IQCJ: variants seen among roughly 807,000 people sequenced by gnomAD.
IQCJ encodes the protein IQ domain-containing protein J.
In IQCJ, 9 loss-of-function variants were observed where a neutral mutation model predicts 11.0. The observed-to-expected ratio is 0.82, with a 90% confidence interval of 0.49 to 1.43. The LOEUF is 1.43. IQCJ is among the 40% of genes most tolerant of loss of function. The pLI is 0.00. For missense variants in IQCJ, 146 were observed against 133.2 expected (o/e 1.10, Z -0.47); for synonymous variants, 55 against 51.3 (o/e 1.07, Z -0.31).
chr3:159,081,019 TAAAG>T lies in IQCJ; in HGVS notation c.9+11580_9+11583del, dbSNP rs538926189. On this transcript the variant is annotated intron_variant, in intron 1 of 3. Transcript: ENST00000397832. ...AAAATCTGCTAAACTGGCCAGACAA[TAAAG>T]AGTTTATTGTCTTAGGTAACAAGAT... 1.2e-3 allele frequency among the ~76,000 whole-genome samples: 183 copies of T among 152,194 alleles called. 1 individual carries two copies. The highest frequency in any genetic ancestry group is 4.2e-3 in the African/African-American group (174 of 41,550).
chr3:159,146,681 A>C (rs991345664), intron 1 of IQCJ, among the ~76,000 whole-genome samples: 1 of 152,238 alleles, frequency 6.6e-6, no homozygotes, highest in Non-Finnish European at 1.5e-5. Flanking sequence ...GAAACATTCC[A>C]TAAGACCACA....
intron 1 of IQCJ, among the ~76,000 whole-genome samples, chr3:159,101,663 C>A (rs1163969376): frequency 2.0e-5 from 3 of 152,158 alleles, no homozygotes; most frequent in African/African-American, 7.2e-5. Flanking sequence ...GACAATTCTC[C>A]TTTTTGGACA....
rs143375336 is a variant in IQCJ at position 159,160,932 on chromosome 3, G to A, written c.10-84911G>A. 3.3e-5 allele frequency among the ~76,000 whole-genome samples: 5 copies of A among 152,076 alleles called. No individual in the cohort carries two copies. In the East Asian group the frequency reaches 9.6e-4, roughly 29 times the overall value. On this transcript the variant is annotated intron_variant, in intron 1 of 3. Coordinates refer to ENST00000397832, the MANE Select transcript of IQCJ (RefSeq NM_001042706.3). Reference sequence around the variant, plus strand: ...ACACTTTCTTATTCCAGTCTATCATGGTTGGACATTTGGGTTGGTTCCAAG... The same window carrying A: ...ACACTTTCTTATTCCAGTCTATCATAGTTGGACATTTGGGTTGGTTCCAAG...
intron 1 of IQCJ, among the ~76,000 whole-genome samples, chr3:159,245,463 T>C (rs1488221144): frequency 6.9e-6 from 1 of 144,236 alleles, no homozygotes; most frequent in Admixed American, 6.9e-5. Context: ...GAATTCTTTT[T>C]TTTTTTTTTT....
At chr3:159,151,233 G>T (rs989104962) in intron 1 of IQCJ, among the ~76,000 whole-genome samples, 1 of 152,208 alleles carries the variant, frequency 6.6e-6, no homozygotes, top group Admixed American at 6.5e-5. Context: ...ATCTTAGCCT[G>T]GTGGCGTGGG....
At chr3:159,111,253 C>T (rs1040151616) in intron 1 of IQCJ, among the ~76,000 whole-genome samples, 3 of 152,112 alleles carry the variant, frequency 2.0e-5, no homozygotes, top group African/African-American at 7.2e-5. Flanking sequence ...AAAGAAGTTC[C>T]AGTATCGAAA....
Position 159,075,906 on chromosome 3 carries a change from T to C in IQCJ, c.9+6465T>C, listed in dbSNP as rs1317705320. Among the ~76,000 whole-genome samples the C allele has an allele frequency of 3.9e-5, 6 of 152,138 alleles. No individual in the cohort carries two copies. The South Asian group carries it at 1.0e-3, about 26-fold the overall frequency. The stretch of plus-strand genomic sequence containing the variant: ...GACCCAGGGCCTGAGCTCTTAGACA[T>C]TGAGCTGGGCATGGAGGGTGTGAGC... On this transcript the variant is annotated intron_variant, in intron 1 of 3. Transcript: ENST00000397832.
intron 1 of IQCJ, among the ~76,000 whole-genome samples, chr3:159,193,760 C>T (rs903634284): frequency 4.6e-5 from 7 of 152,204 alleles, no homozygotes; most frequent in African/African-American, 1.7e-4. Context: ...GGGATAGTGC[C>T]ATATGGAGGA....
chr3:159,154,854 C>T (rs146704531), intron 1 of IQCJ, among the ~76,000 whole-genome samples: 6 of 152,312 alleles, frequency 3.9e-5, no homozygotes, highest in Non-Finnish European at 8.8e-5. Context: ...ACATCGACTA[C>T]TTTTCTGATT....
At chr3:159,242,618 C>T (rs1726996244) in intron 1 of IQCJ, among the ~76,000 whole-genome samples, 1 of 151,072 alleles carries the variant, frequency 6.6e-6, no homozygotes. Context: ...ATATGGAAGC[C>T]CCATTTAGTA....
chr3:159,214,899 A>G (rs1206370157), intron 1 of IQCJ, among the ~76,000 whole-genome samples: 2 of 152,228 alleles, frequency 1.3e-5, no homozygotes, highest in African/African-American at 2.4e-5. Flanking sequence ...TTGGAGCCAC[A>G]GGGCATATTG....
intron 1 of IQCJ, among the ~76,000 whole-genome samples, chr3:159,179,592 T>C (rs1170854303): frequency 6.6e-6 from 1 of 151,846 alleles, no homozygotes; most frequent in Non-Finnish European, 1.5e-5. Flanking sequence ...TCTTCTTGGA[T>C]TAAAATATCT....
chr3:159,257,055 C>G (rs1311358427), intron 3 of IQCJ, among the ~76,000 whole-genome samples: 2 of 152,162 alleles, frequency 1.3e-5, no homozygotes, highest in African/African-American at 4.8e-5. Flanking sequence ...CTCTATGACT[C>G]TAAGCATACT....
chr3:159,091,647 TAC>T (rs111512204), intron 1 of IQCJ, among the ~76,000 whole-genome samples: 19,947 of 133,832 alleles, frequency 0.15, 2,624 homozygotes, highest in East Asian at 0.36. Context: ...AAGGGGTATT[TAC>T]ACACACACAC....
Position 159,219,319 on chromosome 3 carries a change from C to A in IQCJ, c.10-26524C>A, listed in dbSNP as rs1021659297. On this transcript the variant is annotated intron_variant, in intron 1 of 3. Coordinates refer to ENST00000397832, the MANE Select transcript of IQCJ (RefSeq NM_001042706.3). ...TTCAAACTTAGAATTTAAAAAAAAA[C>A]TGCTCTTTATAAGAATTATGGCATA... 1.2e-4 allele frequency among the ~76,000 whole-genome samples: 19 copies of A among 152,014 alleles called. No individual in the cohort carries two copies. In the South Asian group the frequency reaches 2.1e-3, roughly 17 times the overall value.
At chr3:159,096,198 T>C (rs1170620380) in intron 1 of IQCJ, among the ~76,000 whole-genome samples, 2 of 125,824 alleles carry the variant, frequency 1.6e-5, no homozygotes, top group Admixed American at 1.6e-4. Flanking sequence ...CTTCGCCCAC[T>C]TTTTGATGGG....
chr3:159,090,094 T>C (rs1402135278), intron 1 of IQCJ, among the ~76,000 whole-genome samples: 1 of 151,722 alleles, frequency 6.6e-6, no homozygotes, highest in African/African-American at 2.4e-5. Flanking sequence ...AAAGATGGGT[T>C]TTTGGTGTGG....
At chr3:159,121,085 T>C (rs13315896) in intron 1 of IQCJ, among the ~76,000 whole-genome samples, 105,177 of 151,734 alleles carry the variant, frequency 0.69, 36,508 homozygotes, top group East Asian at 0.71. Context: ...CCAAGACAAA[T>C]ATACCCAGCC....
intron 1 of IQCJ, among the ~76,000 whole-genome samples, chr3:159,080,670 C>T (rs1716248424): frequency 6.6e-6 from 1 of 152,130 alleles, no homozygotes; most frequent in African/African-American, 2.4e-5. Context: ...ATATACCCTA[C>T]CAACTTATGA....
Sources: gnomAD v4.1 joint callset for allele counts (sites outside exome capture counted in the v4.1 genomes callset) on GRCh38, gnomAD v4.1.1 for gene constraint, MANE v1.5 for transcripts, NCBI Gene and HGNC (gene_info 2026-07-23, HGNC 2026-07-21) for gene names.